The following GALNT14 variants were observed in gnomAD, a reference collection of about 807,000 sequenced individuals.
GALNT14 encodes the protein polypeptide N-acetylgalactosaminyltransferase 14.
A neutral mutation model predicts 77.5 loss-of-function variants in GALNT14; 60 were observed. The observed-to-expected ratio is 0.77, with a 90% CI of 0.63 to 0.96. GALNT14 has a LOEUF of 0.96. Ranked by LOEUF, GALNT14 falls within the 40% of genes least tolerant of loss-of-function variation. The pLI is 0.00. For synonymous variants in GALNT14, 280 were observed against 281.7 expected (o/e 0.99, Z 0.06); for missense variants, 710 against 731.0 (o/e 0.97, Z 0.33).
At chr2:30,919,482 T>C (rs888846677) in intron 13 of GALNT14, among the ~76,000 whole-genome samples, 1 of 152,186 alleles carries the variant, frequency 6.6e-6, no homozygotes, top group Non-Finnish European at 1.5e-5. Context: ...GCAGAGACTG[T>C]GGGCAGCTAA....
intron 3 of GALNT14, among the ~76,000 whole-genome samples, chr2:30,965,367 C>T (rs925469743): frequency 5.6e-5 from 8 of 142,244 alleles, no homozygotes; most frequent in African/African-American, 7.7e-5. Flanking sequence ...GGAGTGAGGG[C>T]GGCTGCTGTC....
At chr2:30,920,617 T>C (rs1206523865) in intron 13 of GALNT14, among the ~76,000 whole-genome samples, 2 of 147,986 alleles carry the variant, frequency 1.4e-5, no homozygotes, top group Non-Finnish European at 3.0e-5. Context: ...GTCAGTCCTA[T>C]GAGAGTGTAT....
At chr2:30,936,712 T>C (rs1229764032) in intron 9 of GALNT14, among the ~76,000 whole-genome samples, 3 of 152,164 alleles carry the variant, frequency 2.0e-5, no homozygotes, top group Non-Finnish European at 4.4e-5. Flanking sequence ...GTAGAGATAA[T>C]CTTATTGGCC....
At chr2:31,078,270 A>C (rs1358508477) in intron 1 of GALNT14, among the ~76,000 whole-genome samples, 2 of 152,220 alleles carry the variant, frequency 1.3e-5, no homozygotes, top group Non-Finnish European at 2.9e-5. Flanking sequence ...GAAAACTTGA[A>C]TGGTAATGAT....
intron 10 of GALNT14, among the ~76,000 whole-genome samples, chr2:30,930,351 G>T (rs1185307438): frequency 6.6e-6 from 1 of 152,206 alleles, no homozygotes; most frequent in Non-Finnish European, 1.5e-5. Flanking sequence ...CTTCCCATAG[G>T]CCATGCAGTT....
chr2:30,966,835 G>A (rs189003853), intron 2 of GALNT14, among the ~76,000 whole-genome samples: 1 of 152,112 alleles, frequency 6.6e-6, no homozygotes, highest in African/African-American at 2.4e-5. Context: ...CCCAAACCCT[G>A]GTATAAGTGA....
intron 1 of GALNT14, among the ~76,000 whole-genome samples, chr2:31,081,690 A>G (rs1315837700): frequency 2.0e-5 from 3 of 152,236 alleles, no homozygotes; most frequent in Non-Finnish European, 4.4e-5. Context: ...AATTGATTCA[A>G]TGAAATGTCA....
chr2:31,052,197 T>G (rs539140610), intron 1 of GALNT14, among the ~76,000 whole-genome samples: 28 of 152,032 alleles, frequency 1.8e-4, no homozygotes, highest in Non-Finnish European at 3.7e-4. Flanking sequence ...TCCCGTGGAC[T>G]CTAAGCTGAC....
chr2:31,023,696 A>G (rs1671871174), intron 1 of GALNT14, among the ~76,000 whole-genome samples: 1 of 152,030 alleles, frequency 6.6e-6, no homozygotes, highest in Non-Finnish European at 1.5e-5. Context: ...TTGATCTAGC[A>G]GCATCCATGG....
intron 2 of GALNT14, among the ~76,000 whole-genome samples, chr2:30,966,838 A>G (rs1410562717): frequency 6.6e-6 from 1 of 152,250 alleles, no homozygotes. Flanking sequence ...AAACCCTGGT[A>G]TAAGTGATAA....
At chr2:31,036,316 A>G (rs1672736875) in intron 1 of GALNT14, among the ~76,000 whole-genome samples, 1 of 152,120 alleles carries the variant, frequency 6.6e-6, no homozygotes, top group Non-Finnish European at 1.5e-5. Context: ...AGTTCCCTGG[A>G]GATTACAATT....
the GALNT14 span, among the ~76,000 whole-genome samples, chr2:30,890,106 G>C: frequency 1.3e-5 from 2 of 152,040 alleles, no homozygotes; most frequent in Admixed American, 6.5e-5. Context: ...TCAATATCAC[G>C]ATTTGCCACA....
chr2:31,107,257 C>T (rs933907729), intron 1 of GALNT14, among the ~76,000 whole-genome samples: 3 of 152,084 alleles, frequency 2.0e-5, no homozygotes, highest in African/African-American at 4.8e-5. Flanking sequence ...TCCTTATTTG[C>T]GTTGATTACA....
Position 30,952,503 on chromosome 2 carries a change from T to C in GALNT14, c.654+3115A>G, listed in dbSNP as rs555922605. Among the ~76,000 whole-genome samples the C allele has an allele frequency of 6.4e-3, 932 of 146,110 alleles. 6 individuals carry two copies. The highest frequency in any genetic ancestry group is 0.022 in the South Asian group (92 of 4,134). On this transcript the variant is annotated intron_variant, in intron 6 of 14. Transcript: ENST00000349752. ...GAAATCATCATTCTCAGTAAACTAT[T>C]GCAAGAACAAAAAACCAAACACCGC...
At position 30,910,693 on chromosome 2, in the gene GALNT14, C is replaced by T; in HGVS notation, c.*208G>A. On this transcript the variant is annotated 3_prime_UTR_variant, in exon 15 of 15. Transcript: ENST00000349752. Reference sequence around the variant, plus strand: ...GACTGGAACTTAACGGCCTTGAGAACATGTGGGATTTGTCTTTGAGCCCCA... The same window carrying T: ...GACTGGAACTTAACGGCCTTGAGAATATGTGGGATTTGTCTTTGAGCCCCA... The T allele has an allele frequency of 1.9e-6, 1 of 532,780 alleles. No individual in the cohort carries two copies. The highest frequency in any genetic ancestry group is 3.3e-6 in the Non-Finnish European group (1 of 303,254). 33.0% of individuals were successfully genotyped at this position (532,780 alleles called of 1,614,324 possible).
intron 1 of GALNT14, among the ~76,000 whole-genome samples, chr2:31,024,278 ACAG>A (rs1342082666): frequency 6.6e-6 from 1 of 152,022 alleles, no homozygotes; most frequent in Non-Finnish European, 1.5e-5. Flanking sequence ...TATTCCCCAC[ACAG>A]CAGCCAAGAA....
chr2:31,076,600 G>C (rs967837315), intron 1 of GALNT14, among the ~76,000 whole-genome samples: 9 of 147,098 alleles, frequency 6.1e-5, no homozygotes, highest in African/African-American at 2.3e-4. Context: ...GCACTAGATA[G>C]GGGTGTGTAT....
intron 1 of GALNT14, among the ~76,000 whole-genome samples, chr2:31,098,793 T>C (rs562610061): frequency 5.8e-4 from 89 of 152,258 alleles, no homozygotes; most frequent in South Asian, 1.2e-3. Context: ...GTATGTGTTA[T>C]ATGTATTATA....
chr2:31,049,665 C>T (rs114662681), intron 1 of GALNT14, among the ~76,000 whole-genome samples: 1 of 152,192 alleles, frequency 6.6e-6, no homozygotes, highest in Non-Finnish European at 1.5e-5. Flanking sequence ...CCAAGGTAGG[C>T]AGCTCTTCTC....
Sources: gnomAD v4.1 joint callset for allele counts (sites outside exome capture counted in the v4.1 genomes callset) on GRCh38, gnomAD v4.1.1 for gene constraint, MANE v1.5 for transcripts, NCBI Gene and HGNC (gene_info 2026-07-23, HGNC 2026-07-21) for gene names.